RTTN: variants seen among roughly 807,000 people sequenced by gnomAD.
The protein encoded by RTTN is rotatin.
In RTTN, 182 loss-of-function variants were observed where a neutral mutation model predicts 269.2. The ratio of observed to expected loss-of-function variants is 0.68; its 90% CI spans 0.60 to 0.76. RTTN has a LOEUF of 0.76. Among genes scored for constraint, RTTN ranks in the 30% least tolerant of loss-of-function variants. The pLI is 0.00. For synonymous variants in RTTN, 1,006 were observed against 963.5 expected, an observed-to-expected ratio of 1.04 and a Z score of -0.82; for missense variants, 2,545 against 2,608.6, an observed-to-expected ratio of 0.98 and a Z score of 0.53.
intron 40 of RTTN, among the ~76,000 whole-genome samples, chr18:70,033,089 T>A (rs2057065176): frequency 6.6e-6 from 1 of 152,244 alleles, no homozygotes; most frequent in African/African-American, 2.4e-5. Flanking sequence ...TCCCTTTGGT[T>A]CTGTTCCTGT....
intron 30 of RTTN, among the ~76,000 whole-genome samples, chr18:70,091,202 G>C (rs907295241): frequency 6.6e-6 from 1 of 152,122 alleles, no homozygotes; most frequent in Non-Finnish European, 1.5e-5. Flanking sequence ...TGAGGTTGTT[G>C]AGGGAGAATA....
At chr18:70,185,224 C>G (rs372999898) in intron 10 of RTTN, among the ~76,000 whole-genome samples, 1 of 151,890 alleles carries the variant, frequency 6.6e-6, no homozygotes, top group African/African-American at 2.4e-5. Flanking sequence ...GATATAAAAC[C>G]TAAAACATAT....
chr18:70,041,814 C>A (rs191952906), intron 40 of RTTN, among the ~76,000 whole-genome samples: 1 of 152,122 alleles, frequency 6.6e-6, no homozygotes, highest in African/African-American at 2.4e-5. Context: ...CCTCAGCTGT[C>A]GTCTCCTACT....
At position 70,176,718 on chromosome 18, in the gene RTTN, AG is replaced by A; in HGVS notation, c.1432del (p.Leu478CysfsTer55). On this transcript the variant is annotated frameshift_variant, in exon 11 of 49. Coordinates refer to ENST00000640769, the MANE Select transcript of RTTN (RefSeq NM_173630.4). LOFTEE classifies it high-confidence loss of function. ...HHRMAFISIS[L>X]FAVRLLQTLL... is the part of the protein sequence containing the mutation. ...CGTTTGTAGCAGTCGAACTGCAAAC[AG>A]GGAAATGCTGATAAAGGCCATTCTG... 6.2e-7 allele frequency: 1 copy of A among 1,613,922 alleles called. No homozygotes were observed. Among genetic ancestry groups the A allele is most frequent in the South Asian group, 1.1e-5 (1 of 91,012 alleles).
At chr18:70,197,566 G>T in intron 6 of RTTN, 58 bp downstream of exon 6, 2 of 1,026,434 alleles carry the variant, frequency 1.9e-6, no homozygotes, top group Non-Finnish European at 3.1e-6. Context: ...TGCAAAATTT[G>T]CTTTATTGCA....
intron 25 of RTTN, among the ~76,000 whole-genome samples, chr18:70,122,356 C>G (rs1426831243): frequency 6.6e-6 from 1 of 151,568 alleles, no homozygotes; most frequent in Non-Finnish European, 1.5e-5. Context: ...TTTTAAAAAG[C>G]AATCAGCAAG....
chr18:70,105,650 G>A (rs1281937256), intron 28 of RTTN, among the ~76,000 whole-genome samples: 1 of 152,038 alleles, frequency 6.6e-6, no homozygotes, highest in Non-Finnish European at 1.5e-5. Flanking sequence ...TTTTATTAAA[G>A]GGACTCCAGT....
At chr18:70,111,513 A>G (rs1414574287) in intron 27 of RTTN, among the ~76,000 whole-genome samples, 1 of 151,936 alleles carries the variant, frequency 6.6e-6, no homozygotes, top group African/African-American at 2.4e-5. Context: ...CAGCACGTCC[A>G]CTCAAAGATC....
intron 14 of RTTN, among the ~76,000 whole-genome samples, chr18:70,165,710 AG>A (rs2145902538): frequency 6.6e-6 from 1 of 152,280 alleles, no homozygotes; most frequent in East Asian, 1.9e-4. Flanking sequence ...TAAAAAAAAC[AG>A]AATTAAAACC....
At chr18:70,068,682 T>G (rs1001818981) in intron 34 of RTTN, among the ~76,000 whole-genome samples, 3 of 152,202 alleles carry the variant, frequency 2.0e-5, no homozygotes, top group Non-Finnish European at 4.4e-5. Flanking sequence ...TACCTCACAG[T>G]AAGTAGGATA....
intron 19 of RTTN, among the ~76,000 whole-genome samples, chr18:70,140,521 T>G (rs896957276): frequency 7.9e-5 from 12 of 152,150 alleles, no homozygotes; most frequent in African/African-American, 2.9e-4. Flanking sequence ...TTATCTTCTT[T>G]ATATTATTTC....
intron 5 of RTTN, among the ~76,000 whole-genome samples, chr18:70,198,861 G>A (rs942480059): frequency 6.6e-6 from 1 of 152,104 alleles, no homozygotes; most frequent in South Asian, 2.1e-4. Flanking sequence ...GAAAACTCCT[G>A]TCACCAAGGA....
chr18:70,044,973 A>T (rs1243640806), intron 40 of RTTN, among the ~76,000 whole-genome samples: 2 of 152,230 alleles, frequency 1.3e-5, no homozygotes, highest in African/African-American at 4.8e-5. Flanking sequence ...ATAAGAGGAG[A>T]CTACTGTATC....
chr18:70,089,326 AT>A (rs1171074787), intron 30 of RTTN, among the ~76,000 whole-genome samples: 9 of 152,214 alleles, frequency 5.9e-5, no homozygotes, highest in Non-Finnish European at 1.0e-4. Context: ...GAGAGGTCAT[AT>A]GAGCACACAG....
intron 11 of RTTN, among the ~76,000 whole-genome samples, chr18:70,173,676 A>G (rs954903022): frequency 6.6e-6 from 1 of 152,130 alleles, no homozygotes; most frequent in African/African-American, 2.4e-5. Context: ...GGTAATAAGT[A>G]CACCACGAAA....
intron 10 of RTTN, among the ~76,000 whole-genome samples, chr18:70,180,486 G>C (rs954708539): frequency 1.3e-5 from 2 of 151,910 alleles, no homozygotes; most frequent in African/African-American, 4.8e-5. Context: ...GGAGGCTGAG[G>C]CACGAAAATT....
At chr18:70,169,509 T>A (rs915659106) in intron 11 of RTTN, among the ~76,000 whole-genome samples, 1 of 152,224 alleles carries the variant, frequency 6.6e-6, no homozygotes, top group Non-Finnish European at 1.5e-5. Context: ...ACAGAGCTTA[T>A]TAATGACATA....
chr18:70,134,045 T>C (rs1172623082), intron 23 of RTTN, among the ~76,000 whole-genome samples: 1 of 152,098 alleles, frequency 6.6e-6, no homozygotes, highest in Admixed American at 6.6e-5. Context: ...GTAGCAGTTA[T>C]GTAGAATAAT....
intron 35 of RTTN, among the ~76,000 whole-genome samples, chr18:70,062,447 C>A (rs1014338451): frequency 4.6e-5 from 7 of 152,064 alleles, no homozygotes; most frequent in African/African-American, 1.7e-4. Flanking sequence ...TCTTTCTACA[C>A]AAATAGATAC....
Sources: allele counts gnomAD v4.1 joint callset (sites outside exome capture counted in the v4.1 genomes callset), GRCh38; gene constraint gnomAD v4.1.1; transcripts MANE v1.5; gene names NCBI Gene and HGNC (gene_info 2026-07-23, HGNC 2026-07-21).